NLGN1: variants seen among roughly 807,000 people sequenced by gnomAD.
NLGN1 encodes the protein neuroligin-1.
Under a neutral mutation model 65.5 loss-of-function variants are expected in NLGN1, and 12 were observed. That is an observed-to-expected ratio of 0.18 (90% CI 0.12 to 0.30). The LOEUF (loss-of-function observed/expected upper bound fraction) is 0.30. Among genes scored for constraint, NLGN1 ranks in the 10% least tolerant of loss-of-function variants. The pLI, the probability that NLGN1 is intolerant of heterozygous loss-of-function variation, is 1.00. For synonymous variants in NLGN1, 350 were observed against 359.5 expected, an observed-to-expected ratio of 0.97 and a Z score of 0.30; for missense variants, 750 against 1,007.1, an observed-to-expected ratio of 0.74 and a Z score of 3.46.
chr3:174,033,982 A>G (rs1218257800), intron 4 of NLGN1, among the ~76,000 whole-genome samples: 1 of 152,102 alleles, frequency 6.6e-6, no homozygotes, highest in East Asian at 1.9e-4. Context: ...GATAGGTACA[A>G]ATAACTAACT....
intron 2 of NLGN1, among the ~76,000 whole-genome samples, chr3:173,536,393 A>G (rs2149202984): frequency 6.6e-6 from 1 of 152,256 alleles, no homozygotes; most frequent in Non-Finnish European, 1.5e-5. Flanking sequence ...GTTCACTGAG[A>G]GTTAATTGCT....
At chr3:173,939,141 G>A (rs1433416436) in intron 4 of NLGN1, among the ~76,000 whole-genome samples, 3 of 152,130 alleles carry the variant, frequency 2.0e-5, no homozygotes, top group Non-Finnish European at 4.4e-5. Context: ...ATCAATTAAT[G>A]TACGTAGTTT....
At chr3:173,870,026 G>GA (rs1313985247) in intron 4 of NLGN1, among the ~76,000 whole-genome samples, 1 of 152,154 alleles carries the variant, frequency 6.6e-6, no homozygotes, top group Non-Finnish European at 1.5e-5. Flanking sequence ...TGGAAGACAG[G>GA]AAATGCTGAC....
intron 3 of NLGN1, among the ~76,000 whole-genome samples, chr3:173,606,983 G>A (rs1348854820): frequency 2.6e-5 from 4 of 151,816 alleles, no homozygotes; most frequent in South Asian, 2.1e-4. Flanking sequence ...AGTGACTTTC[G>A]CCTCCTATTA....
At chr3:173,730,718 A>T (rs1772691251) in intron 3 of NLGN1, among the ~76,000 whole-genome samples, 1 of 152,110 alleles carries the variant, frequency 6.6e-6, no homozygotes, top group Non-Finnish European at 1.5e-5. Flanking sequence ...AAATAAAAAA[A>T]TGAGGAAATA....
chr3:173,578,460 G>A (rs994540031), intron 2 of NLGN1, among the ~76,000 whole-genome samples: 6 of 152,094 alleles, frequency 3.9e-5, no homozygotes, highest in Non-Finnish European at 8.8e-5. Context: ...TCAATGAGAT[G>A]TCAATACCAC....
chr3:173,412,311 GACACACACACACACACAC>G (rs71162345), intron 1 of NLGN1, among the ~76,000 whole-genome samples: 1 of 147,522 alleles, frequency 6.8e-6, no homozygotes, highest in Non-Finnish European at 1.5e-5. Context: ...CTCTCACTCT[GACACACACACACACACAC>G]ACACACACAC....
At chr3:173,602,737 CAG>C (rs752991240) in intron 2 of NLGN1, among the ~76,000 whole-genome samples, 5 of 151,996 alleles carry the variant, frequency 3.3e-5, no homozygotes, top group Non-Finnish European at 7.4e-5. Context: ...GGTGTCAAAA[CAG>C]TGCATTTTTA....
At chr3:173,806,569 GTTTTC>G (rs1329113448) in intron 3 of NLGN1, among the ~76,000 whole-genome samples, 1 of 151,980 alleles carries the variant, frequency 6.6e-6, no homozygotes, top group Non-Finnish European at 1.5e-5. Context: ...TAATAGTAAT[GTTTTC>G]TTTATGTATA....
At chr3:173,727,606 T>C (rs1012442597) in intron 3 of NLGN1, among the ~76,000 whole-genome samples, 4 of 152,050 alleles carry the variant, frequency 2.6e-5, no homozygotes, top group African/African-American at 7.2e-5. Context: ...CAAAAGCCAA[T>C]TTTTAACCTT....
intron 2 of NLGN1, among the ~76,000 whole-genome samples, chr3:173,514,841 TC>T (rs1187396200): frequency 1.3e-5 from 2 of 152,246 alleles, no homozygotes; most frequent in Non-Finnish European, 2.9e-5. Flanking sequence ...AGCATTTCCT[TC>T]TTTTCTAGGG....
chr3:173,675,173 A>G (rs1357708474), intron 3 of NLGN1, among the ~76,000 whole-genome samples: 1 of 152,164 alleles, frequency 6.6e-6, no homozygotes. Flanking sequence ...AAGGAAAAAA[A>G]TCTTTGTTGA....
At chr3:174,021,101 C>T (rs1727667568) in intron 4 of NLGN1, among the ~76,000 whole-genome samples, 1 of 151,638 alleles carries the variant, frequency 6.6e-6, no homozygotes, top group Non-Finnish European at 1.5e-5. Flanking sequence ...CTGTGTTGGC[C>T]CTGGTTTCTG....
intron 4 of NLGN1, among the ~76,000 whole-genome samples, chr3:173,904,836 AT>A (rs1348999114): frequency 6.6e-6 from 1 of 152,126 alleles, no homozygotes; most frequent in Non-Finnish European, 1.5e-5. Flanking sequence ...AGAACAAGTT[AT>A]TTTCAGGCAG....
intron 3 of NLGN1, among the ~76,000 whole-genome samples, chr3:173,802,378 A>C (rs996597574): frequency 5.9e-5 from 9 of 152,330 alleles, no homozygotes; most frequent in Admixed American, 2.0e-4. Context: ...TATTGAATCA[A>C]TAAATATTTT....
intron 3 of NLGN1, among the ~76,000 whole-genome samples, chr3:173,768,837 T>A (rs1158263915): frequency 6.6e-6 from 1 of 152,070 alleles, no homozygotes; most frequent in African/African-American, 2.4e-5. Flanking sequence ...AGTGGTGTGA[T>A]CTTGACTCAC....
At chr3:173,761,653 C>G (rs536617212) in intron 3 of NLGN1, among the ~76,000 whole-genome samples, 1 of 152,146 alleles carries the variant, frequency 6.6e-6, no homozygotes, top group East Asian at 1.9e-4. Flanking sequence ...TAATAGACTT[C>G]TTTAATAACC....
intron 2 of NLGN1, among the ~76,000 whole-genome samples, chr3:173,436,365 CTCCCA>C (rs1339344488): frequency 6.6e-6 from 1 of 152,122 alleles, no homozygotes; most frequent in African/African-American, 2.4e-5. Context: ...TGGTTAGTGG[CTCCCA>C]TTCTTTGGCA....
intron 2 of NLGN1, among the ~76,000 whole-genome samples, chr3:173,464,260 T>C (rs192368739): frequency 2.4e-4 from 37 of 152,276 alleles, no homozygotes; most frequent in Admixed American, 1.1e-3. Context: ...TCTAATTTTA[T>C]AGATGTGGAA....
Sources: allele counts gnomAD v4.1 joint callset (sites outside exome capture counted in the v4.1 genomes callset), GRCh38; gene constraint gnomAD v4.1.1; transcripts MANE v1.5; gene names NCBI Gene and HGNC (gene_info 2026-07-23, HGNC 2026-07-21).